The following TASOR2 variants were observed in gnomAD, a reference collection of about 807,000 sequenced individuals.
The protein encoded by TASOR2 is protein TASOR 2.
Under a neutral mutation model 199.5 loss-of-function variants are expected in TASOR2, and 84 were observed. The ratio of observed to expected loss-of-function variants is 0.42; its 90% CI spans 0.35 to 0.50. The LOEUF is 0.50. TASOR2 is among the 20% of genes least tolerant of loss of function. TASOR2 has a pLI of 0.02. For missense variants in TASOR2, 2,796 were observed against 2,835.9 expected (o/e 0.99, Z 0.32); for synonymous variants, 1,103 against 1,046.6 (o/e 1.05, Z -1.04).
At chr10:5,721,002 G>T in intron 6 of TASOR2, 32 bp downstream of exon 7, 2 of 1,534,526 alleles carry the variant, frequency 1.3e-6, no homozygotes, top group Non-Finnish European at 8.9e-7. Flanking sequence ...CTTTACTAAT[G>T]CTTATATTAC....
intron 1 of TASOR2, among the ~76,000 whole-genome samples, chr10:5,692,181 CTT>C (rs930267734): frequency 1.4e-5 from 2 of 144,380 alleles, no homozygotes; most frequent in Admixed American, 1.4e-4. Flanking sequence ...TTCATTATGA[CTT>C]TTTAATTTTG....
At position 5,738,319 on chromosome 10, in the gene TASOR2, C is replaced by A. The variant is rs1398265939; in HGVS notation, c.1448-1299C>A. ...GTGAGACTATAATATGTTAAACTAC[C>A]ATTTTTCTTTATTTTAATACAGTAT... On this transcript the variant is annotated intron_variant, in intron 12 of 20. Coordinates refer to ENST00000328090, the Ensembl canonical transcript of TASOR2. The surrounding 1 kb of genome is among the most constrained non-coding windows in gnomAD (Gnocchi z 4.7). Among the ~76,000 whole-genome samples the A allele has an allele frequency of 1.3e-5, 2 of 151,964 alleles. No individual in the cohort carries two copies. Among genetic ancestry groups the A allele is most frequent in the Admixed American group, 6.6e-5 (1 of 15,264 alleles).
chr10:5,696,953 A>G (rs1837235201), intron 1 of TASOR2, among the ~76,000 whole-genome samples: 3 of 152,200 alleles, frequency 2.0e-5, no homozygotes, highest in Admixed American at 1.3e-4. Flanking sequence ...ATTCTCCCCA[A>G]AAAACCAGAA....
At chr10:5,746,779 G>A in exon 15 of TASOR2, 1 of 1,614,138 alleles carries the variant, frequency 6.2e-7, no homozygotes, top group Non-Finnish European at 8.5e-7. Context: ...AGGACAGAAG[G>A]GCACTAAGTA....
At position 5,689,367 on chromosome 10, in the gene TASOR2, C is replaced by T. The variant is rs1023288427; in HGVS notation, c.-288+4192C>T. Among the ~76,000 whole-genome samples, 14 of 152,032 alleles carry T rather than the reference C, an allele frequency of 9.2e-5. No individual in the cohort carries two copies. Among genetic ancestry groups the T allele is most frequent in the African/African-American group, 3.1e-4 (13 of 41,396 alleles). On this transcript the variant is annotated intron_variant, in intron 1 of 20. Coordinates refer to ENST00000328090, the Ensembl canonical transcript of TASOR2. The surrounding 1 kb of genome is among the most constrained non-coding windows in gnomAD (Gnocchi z 4.1). ...CTGTAATCCCAGCACTTTGGGTGGC[C>T]GAGGTGGGCGGATCAAGAGGTCAGG... is the stretch of plus-strand genomic sequence containing the variant.
intron 17 of TASOR2, 123 bp downstream of exon 18, chr10:5,757,796 A>C: frequency 9.9e-7 from 1 of 1,012,388 alleles, no homozygotes; most frequent in Non-Finnish European, 1.5e-6. Flanking sequence ...CCCCCTACTG[A>C]GGCATAATTT....
At chr10:5,696,916 A>G (rs1837229306) in intron 1 of TASOR2, among the ~76,000 whole-genome samples, 1 of 152,202 alleles carries the variant, frequency 6.6e-6, no homozygotes, top group Admixed American at 6.5e-5. Flanking sequence ...AAAATTTAAT[A>G]CAAGGTTTAG....
Position 5,732,181 on chromosome 10 carries a change from C to T in TASOR2, c.1204+978C>T, listed in dbSNP as rs114007191. Among the ~76,000 whole-genome samples, 1,005 of 152,360 alleles carry T rather than the reference C, an allele frequency of 6.6e-3. 4 individuals are homozygous for T. Among genetic ancestry groups the T allele is most frequent in the African/African-American group, 0.023 (959 of 41,588 alleles). On this transcript the variant is annotated intron_variant, in intron 11 of 20. Transcript: ENST00000328090. ...ATGTATTTCAGTGAACATAGGACAG[C>T]AAATCATATGACTTTGGTTTAGAGT... is the stretch of plus-strand genomic sequence containing the variant.
chr10:5,727,271 A>C, intron 10 of TASOR2, 148 bp downstream of exon 11: 1 of 767,796 alleles, frequency 1.3e-6, no homozygotes, highest in South Asian at 1.8e-5. Context: ...ACCCTTCTTG[A>C]CCTCCCTTGT....
intron 2 of TASOR2, among the ~76,000 whole-genome samples, chr10:5,715,738 G>A (rs1448641799): frequency 2.0e-5 from 3 of 152,004 alleles, no homozygotes; most frequent in Non-Finnish European, 4.4e-5. Flanking sequence ...CGACTCCTTG[G>A]TTCAAGTGAT....
intron 11 of TASOR2, among the ~76,000 whole-genome samples, 198 bp downstream of exon 12, chr10:5,731,401 G>A (rs1261734190): frequency 6.6e-6 from 1 of 152,164 alleles, no homozygotes; most frequent in Non-Finnish European, 1.5e-5. Context: ...GGCGGTGCGT[G>A]CCTGTAGTCC....
intron 12 of TASOR2, among the ~76,000 whole-genome samples, chr10:5,736,734 G>C (rs1835661835): frequency 6.6e-6 from 1 of 152,146 alleles, no homozygotes; most frequent in Non-Finnish European, 1.5e-5. Context: ...ACAAATACCA[G>C]CTTTCCTCCT....
chr10:5,761,110 C>T (rs558726825), intron 18 of TASOR2, 180 bp from the exon 20 acceptor site: 9 of 555,614 alleles, frequency 1.6e-5, no homozygotes, highest in Non-Finnish European at 2.8e-5. Flanking sequence ...TTAAAATCCA[C>T]ATTTACAAAA....
rs1424121341 is a variant in TASOR2, at chr10:5,748,561, G to A, written c.5140G>A (p.Gly1714Ser). 1 of 1,613,276 alleles carries A rather than the reference G, an allele frequency of 6.2e-7. No individual in the cohort carries two copies. Among genetic ancestry groups the A allele is most frequent in the African/African-American group, 1.3e-5 (1 of 74,928 alleles). Residue 1714 changes from glycine to serine, a missense_variant, in exon 15 of 21, where the codon GGC becomes AGC. This residue lies in a region of TASOR2 where 1,941 missense variants were observed against 1,924.9 expected (regional missense o/e 1.01). Coordinates refer to ENST00000328090, the Ensembl canonical transcript of TASOR2. The surrounding 1 kb of genome is among the most constrained non-coding windows in gnomAD (Gnocchi z 5.1). ...AGAAACCACAGGTCCAGGCACTGCT[G>A]GCCCTCAGTCCAACACCACATCTTC...
rs901694134 is a variant in TASOR2, at chr10:5,720,036, C to T, written c.-99-508C>T. On this transcript the variant is annotated intron_variant, in intron 3 of 20. Transcript: ENST00000328090. This position sits in a 1 kb window ranked among gnomAD's most constrained non-coding sequence, Gnocchi z 5.3. ...AAAAACTATGGATATTTGTCTCAGA[C>T]GCCCAAATGTCCAAAATTTTTGAGT... 1.3e-5 allele frequency among the ~76,000 whole-genome samples: 2 copies of T among 152,112 alleles called. No homozygotes were observed. Among genetic ancestry groups the T allele is most frequent in the African/African-American group, 2.4e-5 (1 of 41,410 alleles).
At chr10:5,709,110 C>T (rs187005475) in intron 1 of TASOR2, among the ~76,000 whole-genome samples, 1 of 152,222 alleles carries the variant, frequency 6.6e-6, no homozygotes. Context: ...TAATAGTCAC[C>T]ACTAATAGTT....
rs78692345 is a variant in TASOR2 at position 5,742,510 on chromosome 10, G to C, written c.2741G>C (p.Cys914Ser). The C allele has an allele frequency of 1.1e-5, 18 of 1,613,154 alleles. 2 individuals are homozygous for C. In the South Asian group the frequency reaches 2.0e-4, roughly 18 times the overall value. Residue 914 changes from cysteine (C) to serine (S), a missense_variant, in exon 14 of 21, where the codon TGT becomes TCT. Physicochemically the swap from Cys to Ser is moderately radical, Grantham distance 112 (BLOSUM62 -1). Transcript: ENST00000328090. The surrounding 1 kb of genome is among the most constrained non-coding windows in gnomAD (Gnocchi z 4.2). ...ACCCAAGAAGACCAGAATTTCATCT[G>C]TTCTTACAATAATGAGGTATGTAAA...
chr10:5,735,113 T>C (rs1320752787), intron 11 of TASOR2, among the ~76,000 whole-genome samples, 191 bp from the exon 13 acceptor site: 1 of 152,198 alleles, frequency 6.6e-6, no homozygotes, highest in Non-Finnish European at 1.5e-5. Context: ...GTTCATATTA[T>C]ATTTATGTGA....
Position 5,735,534 on chromosome 10 carries a change from C to T in TASOR2, c.1435C>T (p.Gln479Ter). 2 of 1,613,144 alleles carry T rather than the reference C, an allele frequency of 1.2e-6. No individual in the cohort carries two copies. Among genetic ancestry groups the T allele is most frequent in the Admixed American group, 1.7e-5 (1 of 59,796 alleles). ...CAATGAGAACCCCAGAAACAGAAAG[C>T]AGCTACAACCTGGTAAGAAATACTC... is the stretch of plus-strand genomic sequence containing the variant. Residue 479 changes from glutamine to a stop codon, truncating the protein, a stop_gained, in exon 12 of 21, where the codon CAG (glutamine) becomes TAG (stop). Transcript: ENST00000328090. LOFTEE classifies it high-confidence loss of function.
Sources: allele counts gnomAD v4.1 joint callset (sites outside exome capture counted in the v4.1 genomes callset), GRCh38; gene constraint gnomAD v4.1.1; regional missense constraint gnomAD v4.1.1; non-coding constraint Gnocchi (gnomAD v3.1); transcripts MANE v1.5; gene names NCBI Gene and HGNC (gene_info 2026-07-23, HGNC 2026-07-21).